The following SPOCK1 variants were observed in gnomAD, a reference collection of about 807,000 sequenced individuals.
SPOCK1 encodes the protein SPARC (osteonectin), cwcv and kazal like domains proteoglycan 1.
Under a neutral mutation model 55.3 loss-of-function variants are expected in SPOCK1, and 23 were observed. The observed-to-expected ratio is 0.42, with a 90% CI of 0.30 to 0.59. SPOCK1 has a LOEUF of 0.59. SPOCK1 is among the 20% of genes least tolerant of loss of function. The pLI is 0.22. For missense variants in SPOCK1, 499 were observed against 552.5 expected, an observed-to-expected ratio of 0.90 and a Z score of 0.97; for synonymous variants, 226 against 221.0, an observed-to-expected ratio of 1.02 and a Z score of -0.20.
chr5:137,453,643 C>A (rs924740513), intron 2 of SPOCK1, among the ~76,000 whole-genome samples: 1 of 152,162 alleles, frequency 6.6e-6, no homozygotes. Flanking sequence ...CACTCTTGTT[C>A]AAGAATAGTT....
At chr5:137,485,721 AAC>A (rs1006175038) in intron 2 of SPOCK1, among the ~76,000 whole-genome samples, 4 of 152,232 alleles carry the variant, frequency 2.6e-5, no homozygotes, top group African/African-American at 9.6e-5. Context: ...AAATTTTAAA[AAC>A]ACACACACAA....
chr5:137,452,130 T>C (rs1050509791), intron 2 of SPOCK1, among the ~76,000 whole-genome samples: 2 of 152,242 alleles, frequency 1.3e-5, no homozygotes. Flanking sequence ...TCAATCTGTA[T>C]AACAACTACA....
intron 3 of SPOCK1, among the ~76,000 whole-genome samples, chr5:137,191,462 T>A (rs1242055030): frequency 2.0e-5 from 3 of 152,086 alleles, no homozygotes; most frequent in Non-Finnish European, 4.4e-5. Context: ...ACTCTAGGGT[T>A]TAGCTAAGAA....
In SPOCK1 at chr5:137,005,530, CA is replaced by C. The variant is rs113721165; in HGVS notation, c.590-12931del. Among the ~76,000 whole-genome samples, 770 of 152,056 alleles carry C rather than the reference CA, an allele frequency of 5.1e-3. 10 individuals are homozygous for C. The highest frequency in any genetic ancestry group is 0.018 in the African/African-American group (726 of 41,484). On this transcript the variant is annotated intron_variant, in intron 6 of 10. Coordinates refer to ENST00000394945, the MANE Select transcript of SPOCK1 (RefSeq NM_004598.4). ...CAATCACCTTTGTAAAGAAAGACAA[CA>C]AAGCAGTATTCAAGAACTCAGGGGA...
chr5:137,080,726 A>C (rs1245232144), intron 5 of SPOCK1, among the ~76,000 whole-genome samples: 1 of 152,166 alleles, frequency 6.6e-6, no homozygotes, highest in Non-Finnish European at 1.5e-5. Context: ...AGCCCCACAA[A>C]GCCCTGCCAC....
chr5:137,347,334 C>A (rs1750580343), intron 2 of SPOCK1, among the ~76,000 whole-genome samples: 1 of 152,204 alleles, frequency 6.6e-6, no homozygotes, highest in African/African-American at 2.4e-5. Flanking sequence ...GGTGTAATTT[C>A]TCACGCGTCA....
chr5:137,424,904 T>C (rs1228640951), intron 2 of SPOCK1, among the ~76,000 whole-genome samples: 1 of 152,230 alleles, frequency 6.6e-6, no homozygotes, highest in Non-Finnish European at 1.5e-5. Context: ...GGTATTTACA[T>C]GCGTGAATAC....
chr5:137,106,186 C>T (rs1753364886), intron 5 of SPOCK1, among the ~76,000 whole-genome samples: 1 of 150,310 alleles, frequency 6.7e-6, no homozygotes, highest in Non-Finnish European at 1.5e-5. Flanking sequence ...CCTTTCTGAG[C>T]TCCCAGGAGC....
rs182175946 is a variant in SPOCK1, at chr5:137,159,515, A to G, written c.233-18821T>C. 9.5e-3 allele frequency among the ~76,000 whole-genome samples: 1,132 copies of G among 118,766 alleles called. 13 individuals carry two copies. The highest frequency in any genetic ancestry group is 0.035 in the African/African-American group (1,063 of 30,090). The allele number at this position is 118,766 out of a possible 152,430, so 77.9% of individuals were successfully genotyped here. Reference sequence around the variant, plus strand: ...GCCAGCCTCCCACTTCTGAGTCTCCAAAGTCCAACATATCACTCTTTATGC... The same window carrying G: ...GCCAGCCTCCCACTTCTGAGTCTCCGAAGTCCAACATATCACTCTTTATGC... On this transcript the variant is annotated intron_variant, in intron 3 of 10. Transcript: ENST00000394945.
chr5:137,296,975 A>G (rs188457165), intron 2 of SPOCK1, among the ~76,000 whole-genome samples: 8 of 151,996 alleles, frequency 5.3e-5, no homozygotes, highest in African/African-American at 1.7e-4. Context: ...GCACCTCAAG[A>G]AGGACAGACA....
intron 3 of SPOCK1, among the ~76,000 whole-genome samples, chr5:137,223,324 A>T (rs2127088911): frequency 6.6e-6 from 1 of 151,440 alleles, no homozygotes; most frequent in South Asian, 2.1e-4. Context: ...AAAAAAAAGT[A>T]AAAAGCATGA....
intron 6 of SPOCK1, among the ~76,000 whole-genome samples, chr5:137,039,268 C>T (rs1751942904): frequency 9.1e-6 from 1 of 109,758 alleles, no homozygotes; most frequent in African/African-American, 3.7e-5. Context: ...CTGCCTGCCA[C>T]ACTTTTTTTT....
Position 137,044,642 on chromosome 5 carries a change from C to CT in SPOCK1, c.589+23072dup, listed in dbSNP as rs879269138. 5.5e-3 allele frequency among the ~76,000 whole-genome samples: 828 copies of CT among 149,332 alleles called. 5 individuals carry two copies. The highest frequency in any genetic ancestry group is 9.2e-3 in the Non-Finnish European group (615 of 66,992). On this transcript the variant is annotated intron_variant, in intron 6 of 10. Transcript: ENST00000394945. ...GTGAGACATAAATAAATGACTATTT[C>CT]TTTTTTTTTTATTATTATACTTTAA... is the stretch of plus-strand genomic sequence containing the variant.
At chr5:137,125,765 C>T (rs1429078940) in intron 4 of SPOCK1, among the ~76,000 whole-genome samples, 1 of 152,150 alleles carries the variant, frequency 6.6e-6, no homozygotes, top group East Asian at 1.9e-4. Flanking sequence ...AAGTGGGGTG[C>T]TGCAGTGACA....
chr5:137,077,124 C>T (rs1438362265), intron 5 of SPOCK1, among the ~76,000 whole-genome samples: 1 of 152,188 alleles, frequency 6.6e-6, no homozygotes, highest in Non-Finnish European at 1.5e-5. Flanking sequence ...CGGGGTTTCA[C>T]CGTGTTAGCC....
At chr5:137,226,075 GT>G (rs1755942276) in intron 3 of SPOCK1, among the ~76,000 whole-genome samples, 1 of 152,176 alleles carries the variant, frequency 6.6e-6, no homozygotes, top group South Asian at 2.1e-4. Context: ...AAGAGATGGG[GT>G]TTTTGACACA....
chr5:137,339,541 T>G (rs560129035), intron 2 of SPOCK1, among the ~76,000 whole-genome samples: 1 of 152,294 alleles, frequency 6.6e-6, no homozygotes, highest in East Asian at 1.9e-4. Flanking sequence ...CAGCTTCCAA[T>G]GGCATTTATG....
At chr5:137,045,164 T>C (rs1752086550) in intron 6 of SPOCK1, among the ~76,000 whole-genome samples, 1 of 151,000 alleles carries the variant, frequency 6.6e-6, no homozygotes, top group African/African-American at 2.5e-5. Flanking sequence ...TACCCAGTAA[T>C]GGGATGGCTG....
intron 2 of SPOCK1, among the ~76,000 whole-genome samples, chr5:137,274,554 A>G (rs747482245): frequency 6.6e-6 from 1 of 152,188 alleles, no homozygotes; most frequent in Non-Finnish European, 1.5e-5. Flanking sequence ...AAAGGTACAC[A>G]ATTTCATGTC....
Sources: gnomAD v4.1 joint callset for allele counts (sites outside exome capture counted in the v4.1 genomes callset) on GRCh38, gnomAD v4.1.1 for gene constraint, MANE v1.5 for transcripts, NCBI Gene and HGNC (gene_info 2026-07-23, HGNC 2026-07-21) for gene names.